Variants in ERBIN observed in about 807,000 individuals in gnomAD.
The protein encoded by ERBIN is erbb2 interacting protein.
ERBIN carries 60 observed loss-of-function variants against 158.4 expected under a neutral mutation model. That is an observed-to-expected ratio of 0.38 (90% CI 0.31 to 0.47). ERBIN has a LOEUF of 0.47. Among genes scored for constraint, ERBIN ranks in the 20% least tolerant of loss-of-function variants. The pLI is 0.99. For synonymous variants in ERBIN, 594 were observed against 557.2 expected (o/e 1.07, Z -0.93); for missense variants, 1,610 against 1,648.0 (o/e 0.98, Z 0.40).
chr5:66,015,279 A>G (rs938628760), intron 7 of ERBIN, among the ~76,000 whole-genome samples: 2 of 152,224 alleles, frequency 1.3e-5, no homozygotes, highest in African/African-American at 4.8e-5. Context: ...GTGGCCTTTT[A>G]TTGACCAAAT....
At chr5:66,018,441 A>AATATATATTATATT (rs1554058707) in intron 7 of ERBIN, among the ~76,000 whole-genome samples, 1 of 53,166 alleles carries the variant, frequency 1.9e-5, no homozygotes, top group African/African-American at 7.1e-5. Context: ...TGATATATAT[A>AATATATATTATATT]ATATAATATA....
chr5:66,027,925 A>G (rs1756449568), intron 13 of ERBIN, among the ~76,000 whole-genome samples: 1 of 152,080 alleles, frequency 6.6e-6, no homozygotes, highest in Non-Finnish European at 1.5e-5. Context: ...CTCCCTAAGT[A>G]CAAATAAACC....
At position 65,952,978 on chromosome 5, in the gene ERBIN, T is replaced by A. The variant is rs567513834; in HGVS notation, c.-58+26172T>A. 4.6e-5 allele frequency among the ~76,000 whole-genome samples: 7 copies of A among 152,358 alleles called. No homozygotes were observed. In the South Asian group the frequency reaches 1.2e-3, roughly 27 times the overall value. On this transcript the variant is annotated intron_variant, in intron 1 of 25. Coordinates refer to ENST00000284037, the MANE Select transcript of ERBIN (RefSeq NM_001253697.2). Reference sequence around the variant, plus strand: ...TGCCAAAAAAAAAGTTTCGTCCTCCTTCCTTCGTAAGTATACCATAATAAG... The same window carrying A: ...TGCCAAAAAAAAAGTTTCGTCCTCCATCCTTCGTAAGTATACCATAATAAG...
intron 15 of ERBIN, 150 bp from the exon 16 acceptor site, chr5:66,042,927 C>A: frequency 1.8e-6 from 1 of 558,094 alleles, no homozygotes; most frequent in Non-Finnish European, 3.1e-6. Flanking sequence ...TCGGCCAACG[C>A]ATTAGGATTT....
intron 25 of ERBIN, among the ~76,000 whole-genome samples, chr5:66,077,795 T>G (rs2367921): frequency 1.5e-3 from 148 of 97,076 alleles, no homozygotes; most frequent in African/African-American, 5.3e-3. Context: ...CACACACACA[T>G]ACACACACAC....
chr5:66,023,357 T>C lies in ERBIN; in HGVS notation c.665T>C (p.Ile222Thr). The C allele has an allele frequency of 6.2e-7, 1 of 1,609,432 alleles. No homozygotes were observed. Among genetic ancestry groups the C allele is most frequent in the Non-Finnish European group, 8.5e-7 (1 of 1,176,380 alleles). The part of the protein sequence containing the change: ...FWMDANRLTF[I>T]PGFIGSLKQL... ...ATGGATGCTAATAGACTGACTTTTA[T>C]TCCAGGGGTATGTATATGAGATTTT... The change falls in exon 9 of 26, where the codon ATT (isoleucine) becomes ACT (threonine). Residue 222 changes from isoleucine (I) to threonine (T), a missense_variant. Physicochemically the swap from Ile to Thr is moderately conservative, Grantham distance 89. Transcript: ENST00000284037.
At position 65,994,818 on chromosome 5, in the gene ERBIN, C is replaced by A. The variant is rs1272423196; in HGVS notation, c.261C>A (p.Ser87=). Residue 87 remains serine (S), a synonymous_variant, in exon 4 of 26, where the codon TCC becomes TCA. Coordinates refer to ENST00000284037, the MANE Select transcript of ERBIN (RefSeq NM_001253697.2). The stretch of plus-strand genomic sequence containing the variant: ...ATGATTTAACAACGTTACCAGCATC[C>A]ATTGCAAACCTTATTAATCTCAGGG... ...PDNDLTTLPA[S]IANLINLREL... The A allele has an allele frequency of 6.2e-7, 1 of 1,608,350 alleles. No homozygotes were observed. The highest frequency in any genetic ancestry group is 1.7e-5 in the Admixed American group (1 of 58,668).
At chr5:65,944,162 C>T (rs372138054) in intron 1 of ERBIN, among the ~76,000 whole-genome samples, 39 of 151,296 alleles carry the variant, frequency 2.6e-4, no homozygotes, top group African/African-American at 9.0e-4. Flanking sequence ...ATATATACAC[C>T]GAAGCGGAAT....
chr5:66,006,598 G>T (rs1252952647), intron 4 of ERBIN, among the ~76,000 whole-genome samples: 4 of 152,116 alleles, frequency 2.6e-5, no homozygotes. Context: ...CCATCAGAGT[G>T]AACAGGCAAC....
chr5:65,926,631 A>C lies in ERBIN; in HGVS notation c.-233A>C, dbSNP rs1464381812. On this transcript the variant is annotated 5_prime_UTR_variant, in exon 1 of 26. Transcript: ENST00000284037. Reference sequence around the variant, plus strand: ...CTGCAAAACTCGAGACCAGGAAGCCAGCCCGCACCCCAACCCCCACCAAAG... The same window carrying C: ...CTGCAAAACTCGAGACCAGGAAGCCCGCCCGCACCCCAACCCCCACCAAAG... 2.7e-5 allele frequency: 4 copies of C among 150,790 alleles called. No homozygotes were observed. Among genetic ancestry groups the C allele is most frequent in the African/African-American group, 9.7e-5 (4 of 41,040 alleles). The allele number at this position is 150,790 out of a possible 1,614,324, so 9.3% of individuals were successfully genotyped here.
chr5:65,971,963 G>A (rs1177123541), intron 1 of ERBIN, among the ~76,000 whole-genome samples: 2 of 152,184 alleles, frequency 1.3e-5, no homozygotes, highest in Admixed American at 6.5e-5. Flanking sequence ...TCTATGTTGT[G>A]CAGGTTGCTT....
chr5:66,069,032 C>T, intron 21 of ERBIN: 2 of 1,504,264 alleles, frequency 1.3e-6, no homozygotes, highest in Non-Finnish European at 1.8e-6. Context: ...TGAGTACCTA[C>T]ACTAGACCAA....
intron 2 of ERBIN, among the ~76,000 whole-genome samples, chr5:65,992,389 C>T (rs781185121): frequency 2.0e-5 from 3 of 152,058 alleles, no homozygotes; most frequent in South Asian, 2.1e-4. Flanking sequence ...CCTCGTGTTC[C>T]GCCTGCCTCG....
At chr5:65,990,798 T>C (rs1751790557) in intron 2 of ERBIN, among the ~76,000 whole-genome samples, 1 of 151,706 alleles carries the variant, frequency 6.6e-6, no homozygotes, top group African/African-American at 2.4e-5. Flanking sequence ...TCTCGCTGTG[T>C]TGCTCAGGCT....
intron 21 of ERBIN, among the ~76,000 whole-genome samples, chr5:66,065,645 G>A (rs1365990446): frequency 2.2e-5 from 2 of 91,840 alleles, no homozygotes; most frequent in Non-Finnish European, 4.3e-5. Flanking sequence ...GTGTGTGTGT[G>A]TGTGTGTGTG....
intron 19 of ERBIN, among the ~76,000 whole-genome samples, chr5:66,050,210 G>C (rs1580464889): frequency 6.8e-6 from 1 of 147,524 alleles, no homozygotes; most frequent in Non-Finnish European, 1.5e-5. Context: ...CACCTTGTCA[G>C]TAACTAAATC....
chr5:66,010,350 C>CATG (rs58071755), intron 4 of ERBIN, among the ~76,000 whole-genome samples: 6,065 of 152,182 alleles, frequency 0.04, 400 homozygotes, highest in African/African-American at 0.14. Context: ...TTAGTTGCCA[C>CATG]ATGATGATGT....
chr5:66,023,538 C>A (rs569401852), intron 9 of ERBIN, among the ~76,000 whole-genome samples, 174 bp downstream of exon 9: 2 of 152,138 alleles, frequency 1.3e-5, no homozygotes, highest in African/African-American at 4.8e-5. Flanking sequence ...TCTAAGAATT[C>A]TCATAATAAA....
At chr5:65,995,395 C>A (rs1202670493) in intron 4 of ERBIN, among the ~76,000 whole-genome samples, 1 of 145,420 alleles carries the variant, frequency 6.9e-6, no homozygotes, top group Admixed American at 6.9e-5. Context: ...TTTTTCTGTT[C>A]CTGGCTTGTT....
Sources: allele counts gnomAD v4.1 joint callset (sites outside exome capture counted in the v4.1 genomes callset), GRCh38; gene constraint gnomAD v4.1.1; transcripts MANE v1.5; gene names NCBI Gene and HGNC (gene_info 2026-07-23, HGNC 2026-07-21).